The following KCNAB1 variants were observed in gnomAD, a reference collection of about 807,000 sequenced individuals.
The protein encoded by KCNAB1 is voltage-gated potassium channel subunit beta-1.
A neutral mutation model predicts 64.6 loss-of-function variants in KCNAB1; 35 were observed. The observed-to-expected ratio is 0.54, with a 90% CI of 0.41 to 0.72. KCNAB1 has a LOEUF of 0.72. KCNAB1 is among the 30% of genes least tolerant of loss of function. The probability of loss-of-function intolerance (pLI) is 0.00; values close to 1 mark genes in which losing one functional copy is unlikely to be tolerated. For synonymous variants in KCNAB1, 177 were observed against 183.8 expected, an observed-to-expected ratio of 0.96 and a Z score of 0.30; for missense variants, 401 against 512.9, an observed-to-expected ratio of 0.78 and a Z score of 2.11.
intron 1 of KCNAB1, among the ~76,000 whole-genome samples, chr3:156,198,344 G>C (rs1714093721): frequency 6.6e-6 from 1 of 152,122 alleles, no homozygotes; most frequent in South Asian, 2.1e-4. Context: ...GAATATCCTT[G>C]TTAATTTTCT....
At chr3:156,488,009 C>T (rs945968849) in intron 8 of KCNAB1, among the ~76,000 whole-genome samples, 14 of 152,070 alleles carry the variant, frequency 9.2e-5, no homozygotes, top group Admixed American at 2.0e-4. Context: ...AAAAACCCTA[C>T]GTAATGCATT....
intron 1 of KCNAB1, among the ~76,000 whole-genome samples, chr3:156,365,570 G>A (rs1197077562): frequency 6.6e-6 from 1 of 152,114 alleles, no homozygotes; most frequent in East Asian, 1.9e-4. Context: ...CATGGTGATT[G>A]CACGCTTTCA....
chr3:156,485,083 T>C (rs1715102917), intron 8 of KCNAB1, among the ~76,000 whole-genome samples: 1 of 152,144 alleles, frequency 6.6e-6, no homozygotes, highest in Non-Finnish European at 1.5e-5. Flanking sequence ...GTTGTTGTTG[T>C]TACATATGTT....
At chr3:156,337,521 G>A (rs1723793980) in intron 1 of KCNAB1, among the ~76,000 whole-genome samples, 1 of 152,056 alleles carries the variant, frequency 6.6e-6, no homozygotes, top group South Asian at 2.1e-4. Context: ...GCACCAAGTG[G>A]GCACTGCCTT....
chr3:156,146,909 C>T (rs1236165211), intron 1 of KCNAB1, among the ~76,000 whole-genome samples: 2 of 152,206 alleles, frequency 1.3e-5, no homozygotes, highest in Admixed American at 1.3e-4. Context: ...GTTTAGAAAG[C>T]AAGGCCTTCA....
At chr3:156,124,507 G>A (rs1395957540) in intron 1 of KCNAB1, among the ~76,000 whole-genome samples, 6 of 151,996 alleles carry the variant, frequency 3.9e-5, no homozygotes, top group Admixed American at 6.6e-5. Context: ...GTGAGCCACC[G>A]TGCCTGGCCG....
chr3:156,165,546 C>CA (rs1711524277), intron 1 of KCNAB1, among the ~76,000 whole-genome samples: 1 of 152,138 alleles, frequency 6.6e-6, no homozygotes, highest in Non-Finnish European at 1.5e-5. Context: ...GCAGTCTCCA[C>CA]AATCAGCATT....
chr3:156,127,223 A>G (rs747632503), intron 1 of KCNAB1, among the ~76,000 whole-genome samples: 1 of 152,226 alleles, frequency 6.6e-6, no homozygotes, highest in Non-Finnish European at 1.5e-5. Context: ...GTGAGCTACA[A>G]TGGAATAACT....
At chr3:156,435,041 T>A (rs1439023892) in intron 2 of KCNAB1, among the ~76,000 whole-genome samples, 1 of 152,292 alleles carries the variant, frequency 6.6e-6, no homozygotes, top group East Asian at 1.9e-4. Context: ...TGTGGGTAAC[T>A]GAAGCTGGAA....
intron 1 of KCNAB1, among the ~76,000 whole-genome samples, chr3:156,256,294 A>G (rs1406056061): frequency 2.6e-5 from 4 of 152,232 alleles, no homozygotes; most frequent in Non-Finnish European, 5.9e-5. Flanking sequence ...TTTCAAACAC[A>G]ATGTTGTTCC....
At chr3:156,535,308 C>T (rs1249748043) in intron 13 of KCNAB1, among the ~76,000 whole-genome samples, 3 of 152,192 alleles carry the variant, frequency 2.0e-5, no homozygotes, top group Non-Finnish European at 4.4e-5. Flanking sequence ...CAGAATTGGT[C>T]GTCAGAATTG....
At chr3:156,398,586 G>A (rs1472022217) in intron 1 of KCNAB1, among the ~76,000 whole-genome samples, 26 of 112,826 alleles carry the variant, frequency 2.3e-4, no homozygotes, top group African/African-American at 8.8e-4. Context: ...GCGAGACTCC[G>A]TCTCAAAAAA....
At position 156,245,627 on chromosome 3, in the gene KCNAB1, T is replaced by G. The variant is rs534680973; in HGVS notation, c.275+124741T>G. On this transcript the variant is annotated intron_variant, in intron 1 of 13. Transcript: ENST00000490337. ...ATATAATATTTGAAACATGGAAAAT[T>G]AGATGCTATATCCCATGTGCCATCT... Among the ~76,000 whole-genome samples the G allele has an allele frequency of 1.5e-3, 234 of 152,330 alleles. 1 individual carries two copies. Among genetic ancestry groups the G allele is most frequent in the African/African-American group, 5.4e-3 (225 of 41,564 alleles).
chr3:156,247,882 T>TG (rs932970994), intron 1 of KCNAB1, among the ~76,000 whole-genome samples: 1 of 152,178 alleles, frequency 6.6e-6, no homozygotes, highest in African/African-American at 2.4e-5. Flanking sequence ...GTCTTTTTTT[T>TG]TGTGTCACCA....
chr3:156,283,371 C>T (rs1203071129), intron 1 of KCNAB1, among the ~76,000 whole-genome samples: 1 of 150,830 alleles, frequency 6.6e-6, no homozygotes, highest in Non-Finnish European at 1.5e-5. Context: ...GAGGGTAACC[C>T]GACCCTTCTC....
chr3:156,250,181 A>G (rs1717737661), intron 1 of KCNAB1, among the ~76,000 whole-genome samples: 2 of 152,162 alleles, frequency 1.3e-5, no homozygotes. Flanking sequence ...GAAAGAACAA[A>G]CATTTTGAGA....
intron 8 of KCNAB1, among the ~76,000 whole-genome samples, chr3:156,482,115 T>C (rs1714861062): frequency 6.6e-6 from 1 of 152,144 alleles, no homozygotes; most frequent in Non-Finnish European, 1.5e-5. Flanking sequence ...TGTAATTTTC[T>C]TATAGCCCTT....
intron 1 of KCNAB1, among the ~76,000 whole-genome samples, chr3:156,214,930 G>A (rs1378295095): frequency 2.0e-5 from 3 of 152,188 alleles, no homozygotes; most frequent in Non-Finnish European, 2.9e-5. Context: ...CTTTCAGGGT[G>A]TACAGCCTTC....
intron 1 of KCNAB1, among the ~76,000 whole-genome samples, chr3:156,254,325 G>A (rs1195257153): frequency 1.1e-4 from 16 of 152,212 alleles, no homozygotes; most frequent in Admixed American, 1.0e-3. Context: ...CTTGAGGTCA[G>A]GCACTGGCCA....
Sources: allele counts gnomAD v4.1 joint callset (sites outside exome capture counted in the v4.1 genomes callset), GRCh38; gene constraint gnomAD v4.1.1; transcripts MANE v1.5; gene names NCBI Gene and HGNC (gene_info 2026-07-23, HGNC 2026-07-21).